The following MAPK8 variants were observed in gnomAD, a reference collection of about 807,000 sequenced individuals.
MAPK8 encodes the protein mitogen-activated protein kinase 8.
In MAPK8, 13 loss-of-function variants were observed where a neutral mutation model predicts 52.9. The observed-to-expected ratio is 0.25, with a 90% CI of 0.16 to 0.39. The LOEUF is 0.39. MAPK8 is among the 10% of genes least tolerant of loss of function. MAPK8 has a pLI of 1.00. For synonymous variants in MAPK8, 191 were observed against 169.8 expected (o/e 1.12, Z -0.97); for missense variants, 300 against 519.2 (o/e 0.58, Z 4.10).
rs1844691660 is a variant in MAPK8 at position 48,336,407 on chromosome 10, T to G, written c.-50+29586T>G. ...AAAGTTCCTCACAGGCCCTGTGATA[T>G]CATGAGGGAATAATTTGATGTGGCT... On this transcript the variant is annotated intron_variant, in intron 1 of 11. Transcript: ENST00000374189. Among the ~76,000 whole-genome samples, 3 of 152,126 alleles carry G rather than the reference T, an allele frequency of 2.0e-5. No homozygotes were observed. In the Admixed American group the frequency reaches 2.0e-4, roughly 10 times the overall value.
In MAPK8 at chr10:48,391,483, A is replaced by G. The variant is rs1040460266; in HGVS notation, c.-49-10129A>G. ...GATCAGTATATCAAATGCATCCTCT[A>G]TAAATCTCACCAGTATCCTTAATGC... On this transcript the variant is annotated intron_variant, in intron 1 of 11. Coordinates refer to ENST00000374189, the MANE Select transcript of MAPK8 (RefSeq NM_001323329.2). Among the ~76,000 whole-genome samples the G allele has an allele frequency of 5.9e-5, 9 of 152,164 alleles. No individual in the cohort carries two copies. In the East Asian group the frequency reaches 1.7e-3, roughly 29 times the overall value.
In MAPK8 at chr10:48,401,765, A is replaced by G. The variant is rs777584404; in HGVS notation, c.105A>G (p.Gly35=). Residue 35 remains glycine, a synonymous_variant, in exon 2 of 12, where the codon GGA becomes GGG. Coordinates refer to ENST00000374189, the MANE Select transcript of MAPK8 (RefSeq NM_001323329.2). The stretch of plus-strand genomic sequence containing the variant: ...AGAATTTAAAACCTATAGGCTCAGG[A>G]GCTCAAGGAATAGTATGGTAAGTGT... The part of the protein sequence containing the change: ...RYQNLKPIGS[G]AQGIVCAAYD... The G allele has an allele frequency of 2.8e-5, 42 of 1,525,990 alleles. No homozygotes were observed. Among genetic ancestry groups the G allele is most frequent in the Middle Eastern group, 1.7e-4 (1 of 5,732 alleles). The allele number at this position is 1,525,990 out of a possible 1,614,324, so 94.5% of individuals were successfully genotyped here.
chr10:48,361,140 A>G (rs1038568200), intron 1 of MAPK8, among the ~76,000 whole-genome samples: 3 of 152,226 alleles, frequency 2.0e-5, no homozygotes, highest in African/African-American at 4.8e-5. Flanking sequence ...AGCTACTTTT[A>G]TACATGAATT....
At chr10:48,330,579 G>A (rs893837138) in intron 1 of MAPK8, among the ~76,000 whole-genome samples, 5 of 152,332 alleles carry the variant, frequency 3.3e-5, no homozygotes, top group Non-Finnish European at 7.3e-5. Context: ...AATGGACTCA[G>A]AGACATGAAG....
intron 1 of MAPK8, among the ~76,000 whole-genome samples, chr10:48,344,555 CTG>C (rs1000565383): frequency 6.6e-6 from 1 of 152,196 alleles, no homozygotes; most frequent in Non-Finnish European, 1.5e-5. Context: ...AACTGGCAGA[CTG>C]TTTTCTTACC....
intron 1 of MAPK8, among the ~76,000 whole-genome samples, chr10:48,373,182 C>T (rs1052943011): frequency 6.6e-6 from 1 of 152,034 alleles, no homozygotes; most frequent in Non-Finnish European, 1.5e-5. Context: ...AGACAAGCAA[C>T]TGCTGAGAGA....
intron 5 of MAPK8, among the ~76,000 whole-genome samples, chr10:48,413,725 T>C (rs2042884756): frequency 6.7e-6 from 1 of 148,522 alleles, no homozygotes; most frequent in African/African-American, 2.5e-5. Flanking sequence ...AGTGAAGCAG[T>C]ATACAAAATA....
At chr10:48,317,939 A>G (rs1842657742) in intron 1 of MAPK8, among the ~76,000 whole-genome samples, 2 of 146,778 alleles carry the variant, frequency 1.4e-5, no homozygotes, top group East Asian at 2.1e-4. Flanking sequence ...TGGTTTTGTG[A>G]CCCCCCACCC....
intron 1 of MAPK8, among the ~76,000 whole-genome samples, chr10:48,349,514 A>G (rs1846101343): frequency 6.6e-6 from 1 of 152,218 alleles, no homozygotes. Context: ...TTGCTCCTGA[A>G]TGACTACTGG....
At chr10:48,422,964 C>G (rs2043451271) in intron 6 of MAPK8, among the ~76,000 whole-genome samples, 1 of 152,168 alleles carries the variant, frequency 6.6e-6, no homozygotes, top group Non-Finnish European at 1.5e-5. Context: ...TTTCTGACAT[C>G]TATTTGTGCC....
intron 2 of MAPK8, among the ~76,000 whole-genome samples, chr10:48,402,364 T>G (rs2042204142): frequency 1.3e-5 from 2 of 152,226 alleles, no homozygotes; most frequent in Admixed American, 1.3e-4. Flanking sequence ...TAGTCATCAC[T>G]TTCACACTAT....
At chr10:48,394,404 G>A (rs576135946) in intron 1 of MAPK8, among the ~76,000 whole-genome samples, 2 of 151,814 alleles carry the variant, frequency 1.3e-5, no homozygotes, top group African/African-American at 2.4e-5. Context: ...ATGACCAAGC[G>A]GGATTTATTC....
At chr10:48,317,220 C>G (rs1842586053) in intron 1 of MAPK8, among the ~76,000 whole-genome samples, 1 of 152,184 alleles carries the variant, frequency 6.6e-6, no homozygotes, top group South Asian at 2.1e-4. Context: ...GTTGCCCAGG[C>G]TGGAGTGCAG....
At chr10:48,310,729 TTGTGTGTGTGTG>T (rs111302388) in intron 1 of MAPK8, among the ~76,000 whole-genome samples, 8 of 149,024 alleles carry the variant, frequency 5.4e-5, no homozygotes, top group Non-Finnish European at 1.2e-4. Flanking sequence ...GTTTTTAAAA[TTGTGTGTGTGTG>T]TGTGTGTGTG....
intron 1 of MAPK8, among the ~76,000 whole-genome samples, chr10:48,311,741 C>T (rs1427360847): frequency 1.3e-5 from 2 of 152,182 alleles, no homozygotes; most frequent in Non-Finnish European, 2.9e-5. Flanking sequence ...ATTAGTACCA[C>T]TTAGAAATAT....
rs545683420 is a variant in MAPK8 at position 48,354,392 on chromosome 10, C to T, written c.-49-47220C>T. 7.2e-5 allele frequency among the ~76,000 whole-genome samples: 11 copies of T among 152,296 alleles called. No homozygotes were observed. The East Asian group carries it at 1.7e-3, about 24-fold the overall frequency. ...TCTTTCTGGGATGATGAATCTGATA[C>T]GTTCTTCCTCTTCACCTTAAAGCTG... On this transcript the variant is annotated intron_variant, in intron 1 of 11. Coordinates refer to ENST00000374189, the MANE Select transcript of MAPK8 (RefSeq NM_001323329.2).
At chr10:48,337,607 A>G (rs1362499906) in intron 1 of MAPK8, among the ~76,000 whole-genome samples, 1 of 152,188 alleles carries the variant, frequency 6.6e-6, no homozygotes, top group Non-Finnish European at 1.5e-5. Flanking sequence ...AGATTTGTGC[A>G]GAACTAAACA....
intron 1 of MAPK8, among the ~76,000 whole-genome samples, chr10:48,373,754 C>T (rs1722850241): frequency 1.3e-5 from 2 of 151,906 alleles, no homozygotes; most frequent in Admixed American, 1.3e-4. Context: ...ATTCATAAAG[C>T]AAGTTCTTAA....
At chr10:48,325,552 A>G (rs1215790479) in intron 1 of MAPK8, among the ~76,000 whole-genome samples, 2 of 152,220 alleles carry the variant, frequency 1.3e-5, no homozygotes, top group African/African-American at 4.8e-5. Context: ...TTAGTTTTAC[A>G]GAAAAATTGA....
Sources: allele counts gnomAD v4.1 joint callset (sites outside exome capture counted in the v4.1 genomes callset), GRCh38; gene constraint gnomAD v4.1.1; transcripts MANE v1.5; gene names NCBI Gene and HGNC (gene_info 2026-07-23, HGNC 2026-07-21).